SEMA4D: variants seen among roughly 807,000 people sequenced by gnomAD.
The protein encoded by SEMA4D is semaphorin-4D.
A neutral mutation model predicts 74.8 loss-of-function variants in SEMA4D; 22 were observed. The observed-to-expected ratio is 0.29, with a 90% CI of 0.21 to 0.42. The LOEUF (loss-of-function observed/expected upper bound fraction) is 0.42, where lower values mean the gene tolerates loss of function less well. Among genes scored for constraint, SEMA4D ranks in the 10% least tolerant of loss-of-function variants. SEMA4D has a pLI of 1.00. For synonymous variants in SEMA4D, 445 were observed against 463.7 expected (o/e 0.96, Z 0.52); for missense variants, 937 against 1,118.4 (o/e 0.84, Z 2.31).
intron 2 of SEMA4D, among the ~76,000 whole-genome samples, chr9:89,438,330 C>G (rs939125424): frequency 7.9e-5 from 12 of 152,234 alleles, no homozygotes; most frequent in African/African-American, 2.9e-4. Context: ...CACACTCAGG[C>G]TGGCCTGGAG....
intron 16 of SEMA4D, among the ~76,000 whole-genome samples, chr9:89,371,406 T>TGG (rs1834726980): frequency 2.3e-5 from 2 of 86,860 alleles, no homozygotes; most frequent in Non-Finnish European, 4.5e-5. Context: ...GGTGTGTGTC[T>TGG]GGGGTGTGGT....
intron 2 of SEMA4D, among the ~76,000 whole-genome samples, chr9:89,426,622 T>C (rs1179517005): frequency 6.6e-6 from 1 of 152,142 alleles, no homozygotes; most frequent in Non-Finnish European, 1.5e-5. Flanking sequence ...CCCGTCTCAG[T>C]ACTGACCTTA....
At chr9:89,389,558 C>T (rs1220167291) in intron 9 of SEMA4D, among the ~76,000 whole-genome samples, 1 of 152,224 alleles carries the variant, frequency 6.6e-6, no homozygotes, top group Non-Finnish European at 1.5e-5. Flanking sequence ...CCTTCACTTC[C>T]TTTCTACCCA....
downstream of SEMA4D, among the ~76,000 whole-genome samples, chr9:89,374,891 A>G (rs1439660040): frequency 6.6e-6 from 1 of 152,130 alleles, no homozygotes; most frequent in East Asian, 1.9e-4. Flanking sequence ...TGTCTCTACT[A>G]AAAATACAAA....
intron 16 of SEMA4D, among the ~76,000 whole-genome samples, chr9:89,371,939 GTGGT>G: frequency 2.0e-5 from 3 of 148,164 alleles, no homozygotes; most frequent in African/African-American, 5.0e-5. Flanking sequence ...TGTGTGGGGT[GTGGT>G]GTGTGTGGGG....
Position 89,461,763 on chromosome 9 carries a change from T to C in SEMA4D, c.-309-5810A>G, listed in dbSNP as rs537469346. Among the ~76,000 whole-genome samples the C allele has an allele frequency of 2.9e-3, 409 of 142,290 alleles. 3 individuals are homozygous for C. The highest frequency in any genetic ancestry group is 0.01 in the African/African-American group (391 of 39,078). 93.3% of individuals were successfully genotyped at this position (142,290 alleles called of 152,430 possible). A position where few individuals can be genotyped will look rare whatever the true frequency, so the allele number is the denominator to read the frequency against. ...TCCCTCCCAGGCTGGAGTGCAGTGG[T>C]GCGATCTCGGCTCACTGGAACCTCC... On this transcript the variant is annotated intron_variant, in intron 1 of 15. Coordinates refer to ENST00000422704, the MANE Select transcript of SEMA4D (RefSeq NM_001371194.2).
rs1564530156 is a variant in SEMA4D, at chr9:89,379,345, G to A, written c.1948C>T (p.Pro650Ser). 1 of 1,614,152 alleles carries A rather than the reference G, an allele frequency of 6.2e-7. No homozygotes were observed. The highest frequency in any genetic ancestry group is 1.1e-5 in the South Asian group (1 of 91,082). The change falls in exon 16 of 16, where the codon CCA (proline) becomes TCA (serine). Residue 650 changes from proline (P) to serine (S), a missense_variant. Coordinates refer to ENST00000422704, the MANE Select transcript of SEMA4D (RefSeq NM_001371194.2). ...AKHVLEVKVV[P>S]KPVVAPTLSV... ...AAGGTGGGGGCCACTACGGGCTTTGGAACCACCTTCACTTCCAGGACGTGC... is the reference window on the plus strand; with the variant it reads ...AAGGTGGGGGCCACTACGGGCTTTGAAACCACCTTCACTTCCAGGACGTGC...
intron 1 of SEMA4D, among the ~76,000 whole-genome samples, chr9:89,475,364 C>T (rs772982756): frequency 6.6e-6 from 1 of 152,190 alleles, no homozygotes; most frequent in Non-Finnish European, 1.5e-5. Flanking sequence ...CCACCAGTCC[C>T]AGGAACAAAC....
At chr9:89,377,131 AAC>A, downstream of SEMA4D, 3 of 1,457,966 alleles carry the variant, frequency 2.1e-6, no homozygotes, top group East Asian at 2.5e-5. Flanking sequence ...GAGAGGGCAA[AAC>A]ACAGCAGGAA....
chr9:89,367,392 C>A (rs564588927), intron 16 of SEMA4D: 3 of 152,336 alleles, frequency 2.0e-5, no homozygotes, highest in African/African-American at 7.2e-5. Context: ...GCTCCAAGCT[C>A]CCTAACCATC....
chr9:89,371,396 GGTGT>G (rs1834720328), intron 16 of SEMA4D, among the ~76,000 whole-genome samples: 1 of 128,544 alleles, frequency 7.8e-6, no homozygotes, highest in African/African-American at 3.0e-5. Context: ...TCTGGGGTGT[GGTGT>G]GTGTCTGGGG....
intron 1 of SEMA4D, among the ~76,000 whole-genome samples, chr9:89,464,762 G>A (rs922330257): frequency 2.6e-5 from 4 of 152,036 alleles, no homozygotes; most frequent in African/African-American, 9.7e-5. Context: ...ATTAGGAAAT[G>A]GGCAGGGTTG....
At chr9:89,389,871 G>A (rs995718505) in intron 9 of SEMA4D, among the ~76,000 whole-genome samples, 9 of 152,212 alleles carry the variant, frequency 5.9e-5, no homozygotes, top group Admixed American at 4.6e-4. Context: ...CACATTTTTC[G>A]TCAGGGGTCT....
intron 2 of SEMA4D, among the ~76,000 whole-genome samples, chr9:89,445,041 C>A (rs1739972583): frequency 6.6e-6 from 1 of 152,144 alleles, no homozygotes; most frequent in South Asian, 2.1e-4. Flanking sequence ...TCACCAGGAT[C>A]TGGGGTGACA....
chr9:89,461,008 T>C (rs1261977232), intron 1 of SEMA4D, among the ~76,000 whole-genome samples: 1 of 152,080 alleles, frequency 6.6e-6, no homozygotes, highest in East Asian at 1.9e-4. Flanking sequence ...AATCCTACAG[T>C]CATGCTCGGG....
chr9:89,396,661 G>T (rs1402758810), intron 6 of SEMA4D, 76 bp downstream of exon 6: 2 of 1,218,432 alleles, frequency 1.6e-6, no homozygotes, highest in Admixed American at 2.0e-5. Context: ...ACAGCTTTAC[G>T]TCTGCTTTGA....
intron 2 of SEMA4D, among the ~76,000 whole-genome samples, chr9:89,414,105 A>G (rs923391489): frequency 6.6e-6 from 1 of 152,170 alleles, no homozygotes; most frequent in Non-Finnish European, 1.5e-5. Context: ...GCTAGGGTAG[A>G]TTACAGAGGG....
chr9:89,371,011 G>C lies in SEMA4D; in HGVS notation c.1882+5822C>G, dbSNP rs145017706. Among the ~76,000 whole-genome samples, 585 of 140,658 alleles carry C rather than the reference G, an allele frequency of 4.2e-3. 6 individuals carry two copies. The highest frequency in any genetic ancestry group is 8.0e-3 in the Non-Finnish European group (516 of 64,180). 92.3% of individuals were successfully genotyped at this position (140,658 alleles called of 152,430 possible). A position where few individuals can be genotyped will look rare whatever the true frequency, so the allele number is the denominator to read the frequency against. The stretch of plus-strand genomic sequence containing the variant: ...TGTGTCAGGGGTATGTCGGGGTGTG[G>C]GGTGTGTGGTATCTGGGGTGGGGTG... On this transcript the variant is annotated intron_variant, in intron 16 of 18. Transcript: ENST00000339861.
intron 7 of SEMA4D, 60 bp from the exon 8 acceptor site, chr9:89,392,596 C>T: frequency 9.8e-7 from 1 of 1,023,722 alleles, no homozygotes; most frequent in Non-Finnish European, 1.5e-6. Context: ...ATGGCACCAA[C>T]ACTGGGACAA....
Sources: gnomAD v4.1 joint callset for allele counts (sites outside exome capture counted in the v4.1 genomes callset) on GRCh38, gnomAD v4.1.1 for gene constraint, MANE v1.5 for transcripts, NCBI Gene and HGNC (gene_info 2026-07-23, HGNC 2026-07-21) for gene names.